The following TDRP variants were observed in gnomAD, a reference collection of about 807,000 sequenced individuals.
TDRP encodes testis development-related protein.
In TDRP, 12 loss-of-function variants were observed where a neutral mutation model predicts 10.5. The observed-to-expected ratio is 1.15, with a 90% CI of 0.73 to 1.86. The LOEUF (loss-of-function observed/expected upper bound fraction) is 1.86. Ranked by LOEUF, TDRP falls within the 40% of genes most tolerant of loss-of-function variation. The pLI, the probability that TDRP is intolerant of heterozygous loss-of-function variation, is 0.00. For synonymous variants in TDRP, 139 were observed against 95.4 expected (o/e 1.46, Z -2.67); for missense variants, 353 against 229.2 (o/e 1.54, Z -3.49).
At chr8:493,854 G>T (rs1224061254) in intron 2 of TDRP, among the ~76,000 whole-genome samples, 1 of 151,964 alleles carries the variant, frequency 6.6e-6, no homozygotes, top group Non-Finnish European at 1.5e-5. Flanking sequence ...CTGCTTTAAG[G>T]CTAATAAGTT....
chr8:513,477 C>G (rs181641594), intron 1 of TDRP, among the ~76,000 whole-genome samples: 3 of 152,156 alleles, frequency 2.0e-5, no homozygotes, highest in African/African-American at 7.2e-5. Flanking sequence ...AAACATTCAA[C>G]AAAGTAGAAA....
chr8:501,236 C>G (rs919380481), intron 1 of TDRP, among the ~76,000 whole-genome samples: 1 of 152,020 alleles, frequency 6.6e-6, no homozygotes, highest in African/African-American at 2.4e-5. Flanking sequence ...AAAACATGAG[C>G]GTAATGCTCG....
At chr8:512,757 C>T (rs1004968406) in intron 1 of TDRP, among the ~76,000 whole-genome samples, 9 of 152,068 alleles carry the variant, frequency 5.9e-5, no homozygotes, top group African/African-American at 2.2e-4. Context: ...GGCAGATCAC[C>T]TGAGGCCATG....
In TDRP at chr8:519,467, C is replaced by G. The variant is rs1418365266; in HGVS notation, c.109-24870G>C. Among the ~76,000 whole-genome samples, 2 of 152,096 alleles carry G rather than the reference C, an allele frequency of 1.3e-5. 1 individual carries two copies. Among genetic ancestry groups the G allele is most frequent in the South Asian group, 4.2e-4 (2 of 4,816 alleles). On this transcript the variant is annotated intron_variant, in intron 1 of 2. Transcript: ENST00000324079. ...ACATCAACTCTACCATCTTAACTAC[C>G]TTCAAGTATAGAGTTCAATTGCGTT...
chr8:538,820 T>C (rs1477360774), intron 1 of TDRP, among the ~76,000 whole-genome samples: 1 of 152,200 alleles, frequency 6.6e-6, no homozygotes, highest in African/African-American at 2.4e-5. Context: ...GATGCAACTT[T>C]TCCCCCCATC....
intron 1 of TDRP, among the ~76,000 whole-genome samples, chr8:533,458 C>T (rs998854212): frequency 6.6e-6 from 1 of 152,198 alleles, no homozygotes; most frequent in African/African-American, 2.4e-5. Context: ...CAACTCTGAT[C>T]AGCACTCTTT....
intron 1 of TDRP, among the ~76,000 whole-genome samples, chr8:536,869 G>GT (rs1341501079): frequency 1.3e-5 from 2 of 152,078 alleles, no homozygotes; most frequent in South Asian, 2.1e-4. Flanking sequence ...CTATAATATC[G>GT]TAACTGACCC....
rs1585129388 is a variant in TDRP, at chr8:490,985, G to A, written c.*1414C>T. The A allele has an allele frequency of 6.6e-6, 1 of 152,244 alleles. No homozygotes were observed. The highest frequency in any genetic ancestry group is 1.5e-5 in the Non-Finnish European group (1 of 68,062). The allele number at this position is 152,244 out of a possible 1,614,324, so 9.4% of individuals were successfully genotyped here. A position where few individuals can be genotyped will look rare whatever the true frequency, so the allele number is the denominator to read the frequency against. Reference sequence around the variant, plus strand: ...ATACGGATGATTGATAGGTATAAGTGATTGACACAGATTATAGATTTAGCT... The same window carrying A: ...ATACGGATGATTGATAGGTATAAGTAATTGACACAGATTATAGATTTAGCT... On this transcript the variant is annotated 3_prime_UTR_variant, in exon 3 of 3. Coordinates refer to ENST00000324079, the MANE Select transcript of TDRP (RefSeq NM_001384899.1).
chr8:535,904 G>T (rs972300663), intron 1 of TDRP, among the ~76,000 whole-genome samples: 1 of 152,010 alleles, frequency 6.6e-6, no homozygotes, highest in Admixed American at 6.5e-5. Context: ...GAGCAAGCTG[G>T]GCTCCACATT....
chr8:531,128 G>A (rs1802182539), intron 1 of TDRP, among the ~76,000 whole-genome samples: 1 of 152,102 alleles, frequency 6.6e-6, no homozygotes. Context: ...TACCAATCAT[G>A]CCAAGCTGTG....
intron 1 of TDRP, among the ~76,000 whole-genome samples, chr8:534,980 G>C (rs1802307842): frequency 6.6e-6 from 1 of 152,122 alleles, no homozygotes; most frequent in African/African-American, 2.4e-5. Context: ...CGCATTCTGA[G>C]TAAAAAGCAT....
At chr8:499,092 T>C (rs1012872586) in intron 1 of TDRP, among the ~76,000 whole-genome samples, 2 of 152,182 alleles carry the variant, frequency 1.3e-5, no homozygotes, top group Non-Finnish European at 2.9e-5. Context: ...AAGATTCCAT[T>C]TCTGGTATCA....
At chr8:517,635 A>T in intron 1 of TDRP, among the ~76,000 whole-genome samples, 1 of 152,274 alleles carries the variant, frequency 6.6e-6, no homozygotes, top group East Asian at 1.9e-4. Flanking sequence ...GGCCAAACCA[A>T]TATATACCTT....
rs184220467 is a variant in TDRP, at chr8:503,058, T to C, written c.109-8461A>G. On this transcript the variant is annotated intron_variant, in intron 1 of 2. Transcript: ENST00000324079. ...ACAACACGGAATCCAGAGCCACACA[T>C]CAGAACCTGTGCCCACCTCAGCATG... is the stretch of plus-strand genomic sequence containing the variant. 1.1e-4 allele frequency among the ~76,000 whole-genome samples: 15 copies of C among 132,008 alleles called. No individual in the cohort carries two copies. In the East Asian group the frequency reaches 3.4e-3, roughly 30 times the overall value. 86.6% of individuals were successfully genotyped at this position (132,008 alleles called of 152,430 possible).
At chr8:513,355 A>G (rs1947164) in intron 1 of TDRP, among the ~76,000 whole-genome samples, 98,222 of 152,000 alleles carry the variant, frequency 0.65, 31,928 homozygotes, top group African/African-American at 0.68. Context: ...AAGAAAGGTT[A>G]GCTCAACATC....
intron 1 of TDRP, 89 bp from the exon 2 acceptor site, chr8:494,686 T>C: frequency 5.0e-6 from 6 of 1,195,880 alleles, no homozygotes; most frequent in Non-Finnish European, 7.2e-6. Context: ...AGTTGAAATT[T>C]AGAAAAAAGA....
chr8:541,298 T>TA (rs1802489722), intron 1 of TDRP, among the ~76,000 whole-genome samples: 1 of 152,150 alleles, frequency 6.6e-6, no homozygotes, highest in Non-Finnish European at 1.5e-5. Context: ...TAAAGTAACA[T>TA]AAAAACCACA....
intron 1 of TDRP, among the ~76,000 whole-genome samples, chr8:508,332 T>G (rs1257217893): frequency 1.3e-5 from 2 of 152,204 alleles, no homozygotes; most frequent in Admixed American, 1.3e-4. Context: ...ATTAGTTCAT[T>G]TTCACATTGC....
chr8:514,763 G>A (rs1394367746), intron 1 of TDRP, among the ~76,000 whole-genome samples: 1 of 152,066 alleles, frequency 6.6e-6, no homozygotes, highest in African/African-American at 2.4e-5. Flanking sequence ...CTCTATAGGG[G>A]AAGGCCCACC....
Sources: gnomAD v4.1 joint callset for allele counts (sites outside exome capture counted in the v4.1 genomes callset) on GRCh38, gnomAD v4.1.1 for gene constraint, MANE v1.5 for transcripts, NCBI Gene and HGNC (gene_info 2026-07-23, HGNC 2026-07-21) for gene names.